Variants in LRMDA observed in about 807,000 individuals in gnomAD.
LRMDA encodes the protein leucine-rich melanocyte differentiation-associated protein.
LRMDA carries 18 observed loss-of-function variants against 29.8 expected under a neutral mutation model. That is an observed-to-expected ratio of 0.60 (90% CI 0.42 to 0.90). The LOEUF is 0.90. Ranked by LOEUF, LRMDA falls within the 40% of genes least tolerant of loss-of-function variation. The pLI, the probability that LRMDA is intolerant of heterozygous loss-of-function variation, is 0.00. For missense variants in LRMDA, 273 were observed against 273.9 expected (o/e 1.00, Z 0.02); for synonymous variants, 125 against 109.4 (o/e 1.14, Z -0.89).
intron 2 of LRMDA, among the ~76,000 whole-genome samples, chr10:75,549,009 C>T (rs1238747604): frequency 6.6e-6 from 1 of 152,066 alleles, no homozygotes; most frequent in Non-Finnish European, 1.5e-5. Flanking sequence ...TTTCTGCATC[C>T]ACCAATTCAA....
intron 2 of LRMDA, among the ~76,000 whole-genome samples, chr10:75,549,233 A>G (rs907729975): frequency 6.6e-6 from 1 of 151,938 alleles, no homozygotes; most frequent in Admixed American, 6.6e-5. Context: ...GGCTGTTTGG[A>G]TTGTTTAAAG....
rs1348259585 is a variant in LRMDA, at chr10:76,395,569, G to T, written c.601+71084G>T. Among the ~76,000 whole-genome samples, 4 of 152,304 alleles carry T rather than the reference G, an allele frequency of 2.6e-5. No homozygotes were observed. The East Asian group carries it at 7.7e-4, about 29-fold the overall frequency. ...TTGAACCCATTCCCAAAAGTGCATT[G>T]CCTCCACACCACATGAATTAGAGCC... On this transcript the variant is annotated intron_variant, in intron 6 of 6. Transcript: ENST00000611255.
intron 2 of LRMDA, among the ~76,000 whole-genome samples, chr10:75,627,469 T>A (rs1297775288): frequency 6.6e-6 from 1 of 152,148 alleles, no homozygotes; most frequent in Non-Finnish European, 1.5e-5. Flanking sequence ...CAGTTTTGCT[T>A]CATGTTTGGG....
chr10:76,458,189 G>A (rs536331916), intron 6 of LRMDA, among the ~76,000 whole-genome samples: 1 of 149,058 alleles, frequency 6.7e-6, no homozygotes, highest in South Asian at 2.1e-4. Flanking sequence ...TATATTTGCA[G>A]TCTGAGCACC....
intron 2 of LRMDA, among the ~76,000 whole-genome samples, chr10:75,785,798 A>G (rs1465544775): frequency 1.3e-5 from 2 of 152,266 alleles, no homozygotes; most frequent in East Asian, 3.8e-4. Flanking sequence ...ACTTAAAGCC[A>G]GTGCTGCTTT....
Position 75,953,545 on chromosome 10 carries a change from G to T in LRMDA, c.132-82463G>T, listed in dbSNP as rs550268293. Among the ~76,000 whole-genome samples the T allele has an allele frequency of 6.6e-5, 10 of 152,294 alleles. No homozygotes were observed. In the East Asian group the frequency reaches 1.7e-3, roughly 26 times the overall value. ...TCCTGAAGGGTCTATGTGCCCAAAT[G>T]AAATTGGAAGTAGCTTTATTTATTT... is the stretch of plus-strand genomic sequence containing the variant. On this transcript the variant is annotated intron_variant, in intron 2 of 6. Coordinates refer to ENST00000611255, the MANE Select transcript of LRMDA (RefSeq NM_001305581.2).
In LRMDA at chr10:76,436,057, A is replaced by G. The variant is rs375958144; in HGVS notation, c.601+111572A>G. Among the ~76,000 whole-genome samples the G allele has an allele frequency of 5.0e-4, 76 of 152,318 alleles. 1 individual carries two copies. Among genetic ancestry groups the G allele is most frequent in the African/African-American group, 1.7e-3 (72 of 41,568 alleles). On this transcript the variant is annotated intron_variant, in intron 6 of 6. Transcript: ENST00000611255. ...AAAGGACACGCTAGGCTTTAGTTAT[A>G]TGAAAACATGATATTGGTTCTGTAT...
intron 2 of LRMDA, among the ~76,000 whole-genome samples, chr10:75,439,144 T>C (rs976373095): frequency 5.3e-5 from 8 of 152,200 alleles, no homozygotes; most frequent in African/African-American, 1.9e-4. Flanking sequence ...AGTTATTTCC[T>C]TTCTCCCTAA....
At chr10:75,630,409 C>G (rs1027009034) in intron 2 of LRMDA, among the ~76,000 whole-genome samples, 1 of 152,174 alleles carries the variant, frequency 6.6e-6, no homozygotes, top group Non-Finnish European at 1.5e-5. Flanking sequence ...GCCTCTCCAT[C>G]GTTGAGTTTC....
At chr10:75,886,341 A>G (rs1156538473) in intron 2 of LRMDA, among the ~76,000 whole-genome samples, 1 of 152,220 alleles carries the variant, frequency 6.6e-6, no homozygotes, top group Non-Finnish European at 1.5e-5. Context: ...TGAATTGCAC[A>G]TGGTGTATAC....
At chr10:76,367,106 C>T (rs1841399913) in intron 6 of LRMDA, among the ~76,000 whole-genome samples, 1 of 152,172 alleles carries the variant, frequency 6.6e-6, no homozygotes, top group South Asian at 2.1e-4. Context: ...ATGAAATCTA[C>T]TTGATCATAG....
At chr10:76,053,789 C>T (rs1258003085) in intron 4 of LRMDA, among the ~76,000 whole-genome samples, 1 of 152,208 alleles carries the variant, frequency 6.6e-6, no homozygotes, top group Non-Finnish European at 1.5e-5. Context: ...TGCTGCCTCA[C>T]CACCCTCCTA....
intron 5 of LRMDA, among the ~76,000 whole-genome samples, chr10:76,207,428 C>T (rs745316035): frequency 5.9e-5 from 9 of 152,322 alleles, no homozygotes; most frequent in Non-Finnish European, 8.8e-5. Flanking sequence ...GGAGTGTGAG[C>T]TGCCATTTTG....
chr10:75,691,478 T>G (rs769823613), intron 2 of LRMDA, among the ~76,000 whole-genome samples: 1 of 152,092 alleles, frequency 6.6e-6, no homozygotes, highest in African/African-American at 2.4e-5. Context: ...TTGTGTTTAT[T>G]GTACACATAG....
intron 5 of LRMDA, among the ~76,000 whole-genome samples, chr10:76,161,678 G>A (rs985272633): frequency 2.6e-5 from 4 of 152,182 alleles, no homozygotes; most frequent in African/African-American, 9.7e-5. Flanking sequence ...AAGGGTCACC[G>A]ATGAGGCCAA....
chr10:75,760,447 G>A (rs191887820), intron 2 of LRMDA, among the ~76,000 whole-genome samples: 7 of 152,244 alleles, frequency 4.6e-5, no homozygotes, highest in East Asian at 3.9e-4. Context: ...GATTTTGGTC[G>A]TGTGCATTTG....
intron 2 of LRMDA, among the ~76,000 whole-genome samples, chr10:75,888,892 A>C (rs1845435912): frequency 6.6e-6 from 1 of 152,232 alleles, no homozygotes; most frequent in African/African-American, 2.4e-5. Flanking sequence ...CAAGATGCCA[A>C]AAGTAGGTAT....
At chr10:76,538,524 T>G (rs184135898) in intron 6 of LRMDA, among the ~76,000 whole-genome samples, 2 of 146,078 alleles carry the variant, frequency 1.4e-5, no homozygotes, top group African/African-American at 5.1e-5. Context: ...ATATACATAT[T>G]TATATACAGT....
intron 2 of LRMDA, among the ~76,000 whole-genome samples, chr10:75,804,776 T>C (rs1312457107): frequency 6.6e-6 from 1 of 152,226 alleles, no homozygotes; most frequent in Admixed American, 6.5e-5. Context: ...TAGATGGCTC[T>C]AAAATGGCTT....
Sources: gnomAD v4.1 joint callset for allele counts (sites outside exome capture counted in the v4.1 genomes callset) on GRCh38, gnomAD v4.1.1 for gene constraint, MANE v1.5 for transcripts, NCBI Gene and HGNC (gene_info 2026-07-23, HGNC 2026-07-21) for gene names.